Variants in DGKG observed in about 807,000 individuals in gnomAD.
DGKG encodes DAG kinase gamma.
A neutral mutation model predicts 105.3 loss-of-function variants in DGKG; 78 were observed. The ratio of observed to expected loss-of-function variants is 0.74; its 90% CI spans 0.62 to 0.89. The LOEUF (loss-of-function observed/expected upper bound fraction) is 0.89. Among genes scored for constraint, DGKG ranks in the 40% least tolerant of loss-of-function variants. DGKG has a pLI of 0.00. For missense variants in DGKG, 958 were observed against 1,020.1 expected, an observed-to-expected ratio of 0.94 and a Z score of 0.83; for synonymous variants, 346 against 367.1, an observed-to-expected ratio of 0.94 and a Z score of 0.66.
chr3:186,234,485 A>C (rs1720316946), intron 20 of DGKG, among the ~76,000 whole-genome samples: 1 of 151,312 alleles, frequency 6.6e-6, no homozygotes, highest in African/African-American at 2.5e-5. Context: ...ATTTCTAGAA[A>C]TCAATCAGTC....
At chr3:186,158,796 G>T in intron 24 of DGKG, 1 of 916,422 alleles carries the variant, frequency 1.1e-6, no homozygotes, top group African/African-American at 1.8e-5. Flanking sequence ...TTTTGATTCT[G>T]TTATTAAATA....
chr3:186,288,328 G>T (rs1723163052), intron 6 of DGKG, among the ~76,000 whole-genome samples: 1 of 152,178 alleles, frequency 6.6e-6, no homozygotes, highest in African/African-American at 2.4e-5. Flanking sequence ...GGGGAAGGAG[G>T]ACAGATGTTG....
At chr3:186,200,511 G>T (rs954013371) in intron 21 of DGKG, among the ~76,000 whole-genome samples, 1 of 152,192 alleles carries the variant, frequency 6.6e-6, no homozygotes, top group Non-Finnish European at 1.5e-5. Flanking sequence ...AGGAGGCTGG[G>T]TGCCCACTTA....
At chr3:186,346,261 C>T (rs1442609726) in intron 1 of DGKG, among the ~76,000 whole-genome samples, 8 of 152,106 alleles carry the variant, frequency 5.3e-5, no homozygotes, top group African/African-American at 1.2e-4. Context: ...CCTTGCAGTC[C>T]GTCCATATTT....
intron 19 of DGKG, among the ~76,000 whole-genome samples, chr3:186,246,742 T>C (rs1720961964): frequency 1.3e-5 from 2 of 152,152 alleles, no homozygotes; most frequent in African/African-American, 2.4e-5. Flanking sequence ...TGTTGAGAAA[T>C]TCCCTATGTG....
intron 1 of DGKG, among the ~76,000 whole-genome samples, chr3:186,354,286 A>G (rs1726797326): frequency 6.6e-6 from 1 of 152,236 alleles, no homozygotes; most frequent in Non-Finnish European, 1.5e-5. Context: ...GAAATGCAGC[A>G]GGAAATGGAA....
intron 20 of DGKG, among the ~76,000 whole-genome samples, chr3:186,216,876 G>A (rs1211724064): frequency 1.3e-5 from 2 of 152,184 alleles, no homozygotes; most frequent in African/African-American, 4.8e-5. Context: ...CAAGAATATG[G>A]CATCTGAGAG....
chr3:186,292,509 C>G (rs1723354480), intron 5 of DGKG, among the ~76,000 whole-genome samples: 1 of 152,156 alleles, frequency 6.6e-6, no homozygotes, highest in Non-Finnish European at 1.5e-5. Context: ...AACTGGGTCC[C>G]AAGGCCGGGC....
At chr3:186,310,368 A>C (rs1724483222) in intron 2 of DGKG, among the ~76,000 whole-genome samples, 1 of 151,548 alleles carries the variant, frequency 6.6e-6, no homozygotes, top group African/African-American at 2.4e-5. Context: ...CATTTACTTC[A>C]ATTTGCTTTA....
chr3:186,279,911 T>C lies in DGKG; in HGVS notation c.732A>G (p.Glu244=). The C allele has an allele frequency of 6.2e-7, 1 of 1,614,144 alleles. No individual in the cohort carries two copies. Among genetic ancestry groups the C allele is most frequent in the South Asian group, 1.1e-5 (1 of 91,086 alleles). Residue 244 remains glutamate, a synonymous_variant, in exon 9 of 25, where the codon GAA becomes GAG. Coordinates refer to ENST00000265022, the MANE Select transcript of DGKG (RefSeq NM_001346.3). ...TGGTGGTCATCCCTCCATGGACCCA[T>C]TCCTGTAGAGACACAAAGCCGTCCC... ...YDRDGFVSLQ[E]WVHGGMTTIP... is the part of the protein sequence containing the mutation.
intron 22 of DGKG, among the ~76,000 whole-genome samples, chr3:186,175,607 G>A (rs1717038129): frequency 6.6e-6 from 1 of 152,146 alleles, no homozygotes; most frequent in Non-Finnish European, 1.5e-5. Flanking sequence ...GAAGCCAAGG[G>A]TGGGGATGTC....
rs1560096035 is a variant in DGKG at position 186,209,089 on chromosome 3, TC to T, written c.1917+2705del. Among the ~76,000 whole-genome samples, 94 of 125,572 alleles carry T rather than the reference TC, an allele frequency of 7.5e-4. 1 individual carries two copies. The highest frequency in any genetic ancestry group is 4.1e-3 in the South Asian group (16 of 3,928). 82.4% of individuals were successfully genotyped at this position (125,572 alleles called of 152,430 possible). On this transcript the variant is annotated intron_variant, in intron 21 of 24. Coordinates refer to ENST00000265022, the MANE Select transcript of DGKG (RefSeq NM_001346.3). The stretch of plus-strand genomic sequence containing the variant: ...GGACTTTTCTCTCCCTTCAGTTTAC[TC>T]TTCTTTTTTTTTTTTTTTTTTTTTT...
chr3:186,321,741 TG>T (rs1725087236), intron 1 of DGKG, among the ~76,000 whole-genome samples: 1 of 152,132 alleles, frequency 6.6e-6, no homozygotes, highest in African/African-American at 2.4e-5. Flanking sequence ...GTAGACTGGT[TG>T]TTTTGGACCT....
chr3:186,239,420 C>T (rs552857722), intron 20 of DGKG, among the ~76,000 whole-genome samples: 129 of 152,340 alleles, frequency 8.5e-4, no homozygotes, highest in South Asian at 1.5e-3. Flanking sequence ...CTTCCTATGC[C>T]TTGCGGCCTT....
chr3:186,279,142 C>G (rs2108593795), intron 9 of DGKG: 1 of 152,356 alleles, frequency 6.6e-6, no homozygotes, highest in East Asian at 1.9e-4. Context: ...TAAACTCTCT[C>G]TAGGTCTTTA....
At position 186,149,865 on chromosome 3, in the gene DGKG, A is replaced by T. The variant is rs747223703; in HGVS notation, c.*225T>A. On this transcript the variant is annotated 3_prime_UTR_variant, in exon 25 of 25. Coordinates refer to ENST00000265022, the MANE Select transcript of DGKG (RefSeq NM_001346.3). ...CTCATGGGCCCTAAGTCCATTCAAA[A>T]TGTTTTGTTGGCACTGGCTCTGTTA... is the stretch of plus-strand genomic sequence containing the variant. The T allele has an allele frequency of 7.7e-7, 1 of 1,306,204 alleles. No individual in the cohort carries two copies. Among genetic ancestry groups the T allele is most frequent in the Non-Finnish European group, 9.7e-7 (1 of 1,027,690 alleles). The allele number at this position is 1,306,204 out of a possible 1,614,324, so 80.9% of individuals were successfully genotyped here. A position where few individuals can be genotyped will look rare whatever the true frequency, so the allele number is the denominator to read the frequency against.
chr3:186,294,203 T>C lies in DGKG; in HGVS notation c.373+3218A>G, dbSNP rs149259545. ...TCCGTTATCATCATTGATCATCTTT[T>C]CTCAAATATCACATAAAATGACATA... is the stretch of plus-strand genomic sequence containing the variant. On this transcript the variant is annotated intron_variant, in intron 5 of 24. Coordinates refer to ENST00000265022, the MANE Select transcript of DGKG (RefSeq NM_001346.3). Among the ~76,000 whole-genome samples, 466 of 152,316 alleles carry C rather than the reference T, an allele frequency of 3.1e-3. 1 individual carries two copies. Among genetic ancestry groups the C allele is most frequent in the African/African-American group, 0.011 (439 of 41,570 alleles).
intron 9 of DGKG, among the ~76,000 whole-genome samples, chr3:186,276,945 T>G (rs6788108): frequency 0.83 from 126,744 of 152,180 alleles, 52,993 homozygotes; most frequent in African/African-American, 0.89. Context: ...CCAGGCTTCT[T>G]TTATGATCTC....
intron 20 of DGKG, among the ~76,000 whole-genome samples, chr3:186,219,271 G>C (rs1719451152): frequency 6.6e-6 from 1 of 152,030 alleles, no homozygotes; most frequent in Non-Finnish European, 1.5e-5. Flanking sequence ...GGCCATCTGT[G>C]TCACCCGCAC....
Sources: allele counts gnomAD v4.1 joint callset (sites outside exome capture counted in the v4.1 genomes callset), GRCh38; gene constraint gnomAD v4.1.1; transcripts MANE v1.5; gene names NCBI Gene and HGNC (gene_info 2026-07-23, HGNC 2026-07-21).